CASK: variants seen among roughly 807,000 people sequenced by gnomAD.
CASK encodes calcium/calmodulin dependent serine protein kinase, also known as peripheral plasma membrane protein CASK.
Under a neutral mutation model 82.9 loss-of-function variants are expected in CASK, and 4 were observed. The ratio of observed to expected loss-of-function variants is 0.05; its 90% CI spans 0.02 to 0.11. The LOEUF (loss-of-function observed/expected upper bound fraction) is 0.11. CASK is among the 10% of genes least tolerant of loss of function. CASK has a pLI of 1.00. For synonymous variants in CASK, 259 were observed against 253.5 expected (o/e 1.02, Z -0.20); for missense variants, 358 against 720.9 (o/e 0.50, Z 5.76).
At chrX:41,887,373 T>C (rs1601941521) in intron 1 of CASK, among the ~76,000 whole-genome samples, 1 of 107,597 alleles carries the variant, frequency 9.3e-6, no homozygotes, top group Non-Finnish European at 1.9e-5. Flanking sequence ...TACTCAAATA[T>C]TGAGTATTTC....
chrX:41,862,179 A>G (rs1355463741), intron 1 of CASK, among the ~76,000 whole-genome samples: 1 of 109,734 alleles, frequency 9.1e-6, no homozygotes, highest in African/African-American at 3.3e-5. Flanking sequence ...CAGGGAAAGG[A>G]GAGGATTCCA....
intron 3 of CASK, among the ~76,000 whole-genome samples, chrX:41,780,602 A>G (rs1381866051): frequency 8.9e-6 from 1 of 111,960 alleles, no homozygotes; most frequent in East Asian, 2.8e-4. Flanking sequence ...AGCATGCTTT[A>G]AACTTATAAA....
chrX:41,636,716 C>T (rs971723285), intron 8 of CASK, 55 bp from the exon 9 acceptor site: 4 of 745,374 alleles, frequency 5.4e-6, no homozygotes, highest in African/African-American at 4.2e-5. Context: ...AGTGCAGAAG[C>T]TTAATCTAAA....
chrX:41,794,734 T>C (rs746591811), intron 2 of CASK, among the ~76,000 whole-genome samples: 20 of 112,616 alleles, frequency 1.8e-4, no homozygotes, highest in African/African-American at 6.1e-4. Flanking sequence ...TACACGTTCT[T>C]CAATAAAATT....
intron 9 of CASK, among the ~76,000 whole-genome samples, chrX:41,627,644 G>A (rs2066401084): frequency 8.9e-6 from 1 of 111,973 alleles, no homozygotes; most frequent in Non-Finnish European, 1.9e-5. Context: ...ACTTATAAGG[G>A]AGAACATGTG....
intron 1 of CASK, among the ~76,000 whole-genome samples, chrX:41,856,124 A>G (rs1345918553): frequency 8.9e-6 from 1 of 112,214 alleles, no homozygotes; most frequent in Admixed American, 9.4e-5. Context: ...ACAAAGGTAA[A>G]TATACCAAAA....
At chrX:41,711,863 C>T (rs2067982908) in intron 5 of CASK, among the ~76,000 whole-genome samples, 1 of 112,209 alleles carries the variant, frequency 8.9e-6, no homozygotes, top group Non-Finnish European at 1.9e-5. Flanking sequence ...ACCCGTGTCC[C>T]CTCTCTGCTG....
chrX:41,786,600 T>C lies in CASK; in HGVS notation c.278+578A>G, dbSNP rs189248595. Among the ~76,000 whole-genome samples, 708 of 110,277 alleles carry C rather than the reference T, an allele frequency of 6.4e-3. 17 individuals are homozygous for C. In the Admixed American group the frequency reaches 0.065, roughly 10 times the overall value. Reference sequence around the variant, plus strand: ...CTGTAGGATGCTGTCCTATAAAGCTTTATATAATCTCTTTGGACACAATCA... The same window carrying C: ...CTGTAGGATGCTGTCCTATAAAGCTCTATATAATCTCTTTGGACACAATCA... On this transcript the variant is annotated intron_variant, in intron 3 of 26. Coordinates refer to ENST00000378163, the MANE Select transcript of CASK (RefSeq NM_001367721.1).
At chrX:41,623,292 T>G (rs1394407042) in intron 10 of CASK, among the ~76,000 whole-genome samples, 1 of 112,741 alleles carries the variant, frequency 8.9e-6, no homozygotes, top group Non-Finnish European at 1.9e-5. Flanking sequence ...TTATCATTTA[T>G]AGAAAAATTG....
At chrX:41,614,978 G>C (rs1239631515) in intron 11 of CASK, among the ~76,000 whole-genome samples, 1 of 109,736 alleles carries the variant, frequency 9.1e-6, no homozygotes, top group Non-Finnish European at 1.9e-5. Context: ...TCTAAGTTTT[G>C]TATTTTTTAT....
chrX:41,531,461 G>A (rs1176892329), intron 24 of CASK, among the ~76,000 whole-genome samples: 1 of 112,010 alleles, frequency 8.9e-6, no homozygotes, highest in Non-Finnish European at 1.9e-5. Context: ...CAGGTGAGAT[G>A]TATTTTATCC....
intron 3 of CASK, among the ~76,000 whole-genome samples, chrX:41,778,356 G>A (rs368243083): frequency 1.8e-5 from 2 of 108,355 alleles, no homozygotes; most frequent in Non-Finnish European, 3.8e-5. Flanking sequence ...TCAGCCTCCC[G>A]AGTAGCTAGG....
chrX:41,746,935 T>C (rs2147739426), intron 3 of CASK, among the ~76,000 whole-genome samples: 1 of 111,990 alleles, frequency 8.9e-6, no homozygotes, highest in South Asian at 3.8e-4. Context: ...CCATTGATTA[T>C]AGCTATACCT....
chrX:41,814,306 C>T (rs757044945), intron 2 of CASK, among the ~76,000 whole-genome samples: 26 of 111,341 alleles, frequency 2.3e-4, no homozygotes, highest in African/African-American at 7.2e-4. Flanking sequence ...ATGTTTATTG[C>T]GGCACTATTC....
intron 18 of CASK, chrX:41,558,169 C>CT (rs765865407): frequency 2.5e-3 from 254 of 101,215 alleles, no homozygotes; most frequent in African/African-American, 4.4e-3. Flanking sequence ...AGAGAGCCTT[C>CT]TTTTTTTTTT....
At chrX:41,786,748 T>C (rs2069615322) in intron 3 of CASK, 1 of 158,595 alleles carries the variant, frequency 6.3e-6, no homozygotes, top group African/African-American at 3.1e-5. Flanking sequence ...CTGTGATCTA[T>C]AAAATTGCCC....
At chrX:41,611,237 C>T (rs997831062) in intron 11 of CASK, among the ~76,000 whole-genome samples, 2 of 111,520 alleles carry the variant, frequency 1.8e-5, no homozygotes, top group African/African-American at 6.5e-5. Context: ...TCTTTATGCT[C>T]CAGAACTCTG....
chrX:41,650,608 C>T (rs1281316462), intron 8 of CASK, among the ~76,000 whole-genome samples: 1 of 106,299 alleles, frequency 9.4e-6, no homozygotes, highest in Non-Finnish European at 1.9e-5. Context: ...GTGGCATGGT[C>T]GTAGCTCACT....
chrX:41,860,103 A>G (rs915252037), intron 1 of CASK, among the ~76,000 whole-genome samples: 8 of 111,362 alleles, frequency 7.2e-5, no homozygotes, highest in African/African-American at 2.6e-4. Context: ...TTAGGCCCTC[A>G]AAAAATATCT....
Sources: allele counts gnomAD v4.1 joint callset (sites outside exome capture counted in the v4.1 genomes callset), GRCh38; gene constraint gnomAD v4.1.1; transcripts MANE v1.5; gene names NCBI Gene and HGNC (gene_info 2026-07-23, HGNC 2026-07-21).